The following USP45 variants were observed in gnomAD, a reference collection of about 807,000 sequenced individuals.
USP45 encodes the protein ubiquitin specific peptidase 45.
A neutral mutation model predicts 95.8 loss-of-function variants in USP45; 89 were observed. That is an observed-to-expected ratio of 0.93 (90% CI 0.78 to 1.11). The LOEUF (loss-of-function observed/expected upper bound fraction) is 1.11. Among genes scored for constraint, USP45 ranks in the 50% least tolerant of loss-of-function variants. USP45 has a pLI of 0.00. For missense variants in USP45, 898 were observed against 942.5 expected, an observed-to-expected ratio of 0.95 and a Z score of 0.62; for synonymous variants, 281 against 316.2, an observed-to-expected ratio of 0.89 and a Z score of 1.18.
chr6:99,461,225 A>G (rs545408515), intron 13 of USP45: 19 of 985,316 alleles, frequency 1.9e-5, no homozygotes, highest in Non-Finnish European at 2.0e-5. Context: ...AAGGATATCA[A>G]TTTGAGATTT....
intron 4 of USP45, 67 bp from the exon 5 acceptor site, chr6:99,503,932 C>G: frequency 1.7e-6 from 2 of 1,149,850 alleles, no homozygotes; most frequent in Non-Finnish European, 1.2e-6. Flanking sequence ...CATCAGATAA[C>G]AAAGTTGGTA....
At chr6:99,479,938 T>G (rs1287092121) in intron 8 of USP45, among the ~76,000 whole-genome samples, 1 of 152,188 alleles carries the variant, frequency 6.6e-6, no homozygotes, top group East Asian at 1.9e-4. Context: ...AGATATAAAA[T>G]GATACAGATT....
At chr6:99,455,067 G>A (rs1784721495) in intron 13 of USP45, among the ~76,000 whole-genome samples, 3 of 144,552 alleles carry the variant, frequency 2.1e-5, no homozygotes, top group Non-Finnish European at 4.5e-5. Flanking sequence ...TCCAGCCCGG[G>A]TGACAGAGCG....
chr6:99,439,918 C>G, intron 15 of USP45, 63 bp from the exon 16 acceptor site: 1 of 1,337,270 alleles, frequency 7.5e-7, no homozygotes. Flanking sequence ...TCTTTGTTAA[C>G]TAAAACCAAA....
chr6:99,441,388 C>T (rs1781493792), intron 15 of USP45, among the ~76,000 whole-genome samples: 1 of 151,934 alleles, frequency 6.6e-6, no homozygotes, highest in African/African-American at 2.4e-5. Flanking sequence ...AAAAATTAGC[C>T]AGGTGTGGTG....
chr6:99,444,760 G>A (rs1782162247), intron 14 of USP45, among the ~76,000 whole-genome samples: 2 of 152,120 alleles, frequency 1.3e-5, no homozygotes, highest in African/African-American at 4.8e-5. Context: ...AAAGGCTCCT[G>A]CCCATGTTTT....
At chr6:99,476,935 G>A (rs999520610) in intron 8 of USP45, among the ~76,000 whole-genome samples, 4 of 152,274 alleles carry the variant, frequency 2.6e-5, no homozygotes, top group Admixed American at 6.5e-5. Context: ...TGGAGACACT[G>A]ACATAGGAAA....
At position 99,488,358 on chromosome 6, in the gene USP45, T is replaced by C; in HGVS notation, c.619-63A>G. The C allele has an allele frequency of 2.8e-6, 3 of 1,070,614 alleles. No homozygotes were observed. The South Asian group carries it at 4.6e-5, about 16-fold the overall frequency. The allele number at this position is 1,070,614 out of a possible 1,614,324, so 66.3% of individuals were successfully genotyped here. A position where few individuals can be genotyped will look rare whatever the true frequency, so the allele number is the denominator to read the frequency against. On this transcript the variant is annotated intron_variant, in intron 6 of 17. Coordinates refer to ENST00000500704, the MANE Select transcript of USP45 (RefSeq NM_001346022.3). Reference sequence around the variant, plus strand: ...AAAATATGCCTCTGATTTTATGGAATACACTCTCAAATTTCATCTAGCATA... The same window carrying C: ...AAAATATGCCTCTGATTTTATGGAACACACTCTCAAATTTCATCTAGCATA...
chr6:99,476,346 C>G, intron 8 of USP45, 116 bp from the exon 9 acceptor site: 1 of 980,964 alleles, frequency 1.0e-6, no homozygotes, highest in Non-Finnish European at 1.5e-6. Context: ...CGGCAGCCTA[C>G]GCCTGTAATC....
intron 5 of USP45, among the ~76,000 whole-genome samples, chr6:99,503,371 G>T (rs1797806127): frequency 1.3e-5 from 2 of 150,532 alleles, no homozygotes; most frequent in Admixed American, 6.6e-5. Flanking sequence ...CTGTTGCCTA[G>T]ACTGGAGTGC....
chr6:99,440,773 A>G (rs1781375181), intron 15 of USP45, among the ~76,000 whole-genome samples: 1 of 152,152 alleles, frequency 6.6e-6, no homozygotes, highest in South Asian at 2.1e-4. Context: ...AGCTGACATG[A>G]AATTATGACA....
At chr6:99,504,834 T>C (rs1290034854) in intron 4 of USP45, among the ~76,000 whole-genome samples, 1 of 152,124 alleles carries the variant, frequency 6.6e-6, no homozygotes, top group African/African-American at 2.4e-5. Flanking sequence ...CTGGTAAACA[T>C]CCAACAACGT....
At chr6:99,485,175 CAAAAAAAAA>C (rs1190400783) in intron 7 of USP45, among the ~76,000 whole-genome samples, 51 of 88,700 alleles carry the variant, frequency 5.7e-4, no homozygotes, top group Non-Finnish European at 1.0e-3. Context: ...ACTAAAAATA[CAAAAAAAAA>C]AAAAAAAAAA....
intron 13 of USP45, among the ~76,000 whole-genome samples, chr6:99,451,264 T>A (rs1783784677): frequency 6.6e-6 from 1 of 152,212 alleles, no homozygotes; most frequent in African/African-American, 2.4e-5. Flanking sequence ...GCAGATGACA[T>A]GACTGTATAT....
chr6:99,468,999 C>T (rs1562359988), intron 9 of USP45, among the ~76,000 whole-genome samples: 1 of 152,034 alleles, frequency 6.6e-6, no homozygotes, highest in Non-Finnish European at 1.5e-5. Context: ...AGAAAATAGA[C>T]CATATGAAAT....
Position 99,478,220 on chromosome 6 carries a change from GTTTTTTTTTTTTT to G in USP45, c.846-2003_846-1991del, listed in dbSNP as rs71021740. On this transcript the variant is annotated intron_variant, in intron 8 of 17. Coordinates refer to ENST00000500704, the MANE Select transcript of USP45 (RefSeq NM_001346022.3). ...AAGAAAATTTAATAAACTTAGATTT[GTTTTTTTTTTTTT>G]TTTTTTTTTTTAACCTAGGAATGGG... 6.1e-4 allele frequency among the ~76,000 whole-genome samples: 61 copies of G among 99,444 alleles called. 1 individual carries two copies. Among genetic ancestry groups the G allele is most frequent in the African/African-American group, 2.1e-3 (56 of 27,294 alleles). 65.2% of individuals were successfully genotyped at this position (99,444 alleles called of 152,430 possible). A position where few individuals can be genotyped will look rare whatever the true frequency, so the allele number is the denominator to read the frequency against.
intron 5 of USP45, among the ~76,000 whole-genome samples, chr6:99,502,257 C>T (rs1797546090): frequency 6.6e-6 from 1 of 152,206 alleles, no homozygotes; most frequent in Admixed American, 6.5e-5. Context: ...AGAAGCTTCA[C>T]ATTTGGGACC....
At chr6:99,463,476 A>G (rs1313083103) in intron 13 of USP45, among the ~76,000 whole-genome samples, 2 of 152,204 alleles carry the variant, frequency 1.3e-5, no homozygotes, top group African/African-American at 4.8e-5. Flanking sequence ...GCTGAAAAAA[A>G]GGACCTGATT....
intron 17 of USP45, among the ~76,000 whole-genome samples, chr6:99,436,890 A>G (rs1241760774): frequency 6.6e-6 from 1 of 152,164 alleles, no homozygotes; most frequent in African/African-American, 2.4e-5. Flanking sequence ...ACTTGAGGTC[A>G]GGAGTTTGAG....
Sources: gnomAD v4.1 joint callset for allele counts (sites outside exome capture counted in the v4.1 genomes callset) on GRCh38, gnomAD v4.1.1 for gene constraint, MANE v1.5 for transcripts, NCBI Gene and HGNC (gene_info 2026-07-23, HGNC 2026-07-21) for gene names.